The following ARMC2 variants were observed in gnomAD, a reference collection of about 807,000 sequenced individuals.
ARMC2 encodes the protein armadillo repeat-containing protein 2.
Under a neutral mutation model 90.3 loss-of-function variants are expected in ARMC2, and 67 were observed. The observed-to-expected ratio is 0.74, with a 90% CI of 0.61 to 0.91. ARMC2 has a LOEUF of 0.91. ARMC2 is among the 40% of genes least tolerant of loss of function. The pLI is 0.00. For synonymous variants in ARMC2, 393 were observed against 393.0 expected, an observed-to-expected ratio of 1.00 and a Z score of 0.00; for missense variants, 920 against 1,030.9, an observed-to-expected ratio of 0.89 and a Z score of 1.47.
intron 17 of ARMC2, among the ~76,000 whole-genome samples, chr6:108,970,266 A>G (rs949246772): frequency 1.3e-5 from 2 of 152,110 alleles, no homozygotes; most frequent in South Asian, 4.1e-4. Context: ...GGGTGGATTA[A>G]CTATAGGCTG....
the ARMC2 span, among the ~76,000 whole-genome samples, chr6:109,052,686 G>A: frequency 6.6e-6 from 1 of 152,184 alleles, no homozygotes; most frequent in Non-Finnish European, 1.5e-5. Context: ...ACTGGCAGTA[G>A]ATTATTCTCT....
intron 4 of ARMC2, 146 bp downstream of exon 4, chr6:108,869,141 A>AG: frequency 1.2e-6 from 1 of 858,972 alleles, no homozygotes; most frequent in South Asian, 2.3e-5. Context: ...AAGCTGGCTA[A>AG]GAAACATTGT....
the ARMC2 span, among the ~76,000 whole-genome samples, chr6:109,051,299 AAAATTAT>A: frequency 2.0e-5 from 3 of 151,716 alleles, no homozygotes; most frequent in Non-Finnish European, 4.4e-5. Context: ...AAGATTTTTA[AAAATTAT>A]TTACCAAACA....
At position 108,868,135 on chromosome 6, in the gene ARMC2, C is replaced by T. The variant is rs75272149; in HGVS notation, c.292-689C>T. ...ATTCTTGGTACATGTAGGTACTCAA[C>T]AAATGTTTTCTGAACTGAATTGAAC... is the stretch of plus-strand genomic sequence containing the variant. On this transcript the variant is annotated intron_variant, in intron 3 of 17. Transcript: ENST00000392644. Among the ~76,000 whole-genome samples, 618 of 150,254 alleles carry T rather than the reference C, an allele frequency of 4.1e-3. 2 individuals are homozygous for T. Among genetic ancestry groups the T allele is most frequent in the African/African-American group, 0.014 (579 of 40,686 alleles).
In ARMC2 at chr6:108,973,738, G is replaced by T. The variant is rs1210217453; in HGVS notation, c.*224G>T. 2 of 385,360 alleles carry T rather than the reference G, an allele frequency of 5.2e-6. No homozygotes were observed. Among genetic ancestry groups the T allele is most frequent in the Admixed American group, 4.2e-5 (1 of 23,990 alleles). The allele number at this position is 385,360 out of a possible 1,614,324, so 23.9% of individuals were successfully genotyped here. On this transcript the variant is annotated 3_prime_UTR_variant, in exon 18 of 18. Transcript: ENST00000392644. ...ATATTTCCTGTTGAGAGAAATGTAA[G>T]ATGAAAATATGTGCATTTTCAAGTA...
At chr6:109,022,818 A>T in the ARMC2 span, among the ~76,000 whole-genome samples, 6 of 152,180 alleles carry the variant, frequency 3.9e-5, no homozygotes, top group Non-Finnish European at 7.3e-5. Flanking sequence ...TTAAGTATTT[A>T]ACCCAAGGCC....
chr6:108,907,641 G>A lies in ARMC2; in HGVS notation c.1023+3236G>A. On this transcript the variant is annotated intron_variant, in intron 8 of 17. Transcript: ENST00000392644. The stretch of plus-strand genomic sequence containing the variant: ...TATTTGCGGAGCCACTCGTGCTTGA[G>A]ATGCTTGTAGGAAAAGGAGTAGCTG... 1.9e-6 allele frequency: 3 copies of A among 1,594,766 alleles called. 1 individual carries two copies. Among genetic ancestry groups the A allele is most frequent in the Non-Finnish European group, 2.6e-6 (3 of 1,165,298 alleles).
At chr6:109,001,337 T>A in the ARMC2 span, 3 of 1,613,920 alleles carry the variant, frequency 1.9e-6, no homozygotes, top group South Asian at 3.3e-5. Context: ...CCCATCCATT[T>A]GCAGTAGATA....
chr6:109,041,651 T>C, the ARMC2 span, among the ~76,000 whole-genome samples: 2 of 151,928 alleles, frequency 1.3e-5, no homozygotes, highest in Admixed American at 6.6e-5. Flanking sequence ...CAAGAATATA[T>C]AGCAATACCC....
the ARMC2 span, among the ~76,000 whole-genome samples, chr6:108,989,391 C>G: frequency 3.3e-5 from 5 of 150,798 alleles, no homozygotes; most frequent in African/African-American, 9.7e-5. Flanking sequence ...CTTTCTCTCT[C>G]TCTATATATA....
In ARMC2 at chr6:108,881,947, GCT is replaced by G. The variant is rs550257264; in HGVS notation, c.671+5600_671+5601del. 5.8e-3 allele frequency among the ~76,000 whole-genome samples: 877 copies of G among 152,138 alleles called. 6 individuals carry two copies. Among genetic ancestry groups the G allele is most frequent in the Non-Finnish European group, 9.5e-3 (647 of 68,004 alleles). The stretch of plus-strand genomic sequence containing the variant: ...CTTATTCAGCGTTAATAAATAAATG[GCT>G]CTGTTTAAAGATAAATACTATTAAG... On this transcript the variant is annotated intron_variant, in intron 5 of 17. Transcript: ENST00000392644.
chr6:108,898,464 G>A (rs983765672), intron 6 of ARMC2, among the ~76,000 whole-genome samples: 1 of 152,234 alleles, frequency 6.6e-6, no homozygotes, highest in Non-Finnish European at 1.5e-5. Flanking sequence ...AAGGACTTAA[G>A]GGGTGGTCTT....
At chr6:108,863,994 A>G (rs1045992265) in intron 3 of ARMC2, among the ~76,000 whole-genome samples, 35 of 152,292 alleles carry the variant, frequency 2.3e-4, no homozygotes, top group African/African-American at 7.0e-4. Context: ...AAAATTTAAT[A>G]TTTTTAAAAG....
chr6:108,897,712 C>G (rs553545580), intron 6 of ARMC2, among the ~76,000 whole-genome samples: 110 of 152,062 alleles, frequency 7.2e-4, no homozygotes, highest in Non-Finnish European at 1.4e-3. Flanking sequence ...GACATCAGCA[C>G]CATTTGATGG....
chr6:108,921,177 GATTGTTTGTATGAT>G (rs1293739797), intron 10 of ARMC2, among the ~76,000 whole-genome samples: 1 of 152,078 alleles, frequency 6.6e-6, no homozygotes, highest in Non-Finnish European at 1.5e-5. Flanking sequence ...TGCCATTCTA[GATTGTTTGTATGAT>G]ATTCAAAATT....
At chr6:108,993,754 T>G in the ARMC2 span, among the ~76,000 whole-genome samples, 1 of 149,700 alleles carries the variant, frequency 6.7e-6, no homozygotes, top group South Asian at 2.1e-4. Context: ...TTTGTTGTTG[T>G]TTTTTTAGAG....
the ARMC2 span, chr6:108,994,550 T>C: frequency 1.2e-6 from 2 of 1,613,746 alleles, no homozygotes; most frequent in Non-Finnish European, 1.7e-6. Flanking sequence ...CATCTCGACA[T>C]TCCTGTAACT....
chr6:109,001,566 CTAAG>C, the ARMC2 span: 1 of 1,226,302 alleles, frequency 8.2e-7, no homozygotes, highest in Non-Finnish European at 1.2e-6. Context: ...GCGCTACACT[CTAAG>C]TATCATTTAG....
intron 12 of ARMC2, among the ~76,000 whole-genome samples, chr6:108,950,973 G>A (rs887211262): frequency 5.3e-5 from 8 of 152,152 alleles, no homozygotes; most frequent in South Asian, 2.1e-4. Context: ...TGAGTTTATT[G>A]CTATTAGTTA....
Sources: allele counts gnomAD v4.1 joint callset (sites outside exome capture counted in the v4.1 genomes callset), GRCh38; gene constraint gnomAD v4.1.1; transcripts MANE v1.5; gene names NCBI Gene and HGNC (gene_info 2026-07-23, HGNC 2026-07-21).